Variants in TRAK1 observed in about 807,000 individuals in gnomAD.
TRAK1 encodes the protein trafficking kinesin-binding protein 1.
TRAK1 carries 33 observed loss-of-function variants against 92.1 expected under a neutral mutation model. That is an observed-to-expected ratio of 0.36 (90% confidence interval 0.27 to 0.48). The LOEUF is 0.48. TRAK1 is among the 20% of genes least tolerant of loss of function. TRAK1 has a pLI of 0.99. For synonymous variants in TRAK1, 521 were observed against 517.3 expected (o/e 1.01, Z -0.10); for missense variants, 1,123 against 1,257.9 (o/e 0.89, Z 1.62).
upstream of TRAK1, among the ~76,000 whole-genome samples, chr3:42,086,874 A>G (rs893875756): frequency 6.6e-6 from 1 of 152,188 alleles, no homozygotes; most frequent in Non-Finnish European, 1.5e-5. Context: ...CAGTAAGCAA[A>G]TGAAGCCATG....
chr3:42,152,625 G>A (rs1429858372), intron 2 of TRAK1, among the ~76,000 whole-genome samples: 1 of 152,186 alleles, frequency 6.6e-6, no homozygotes, highest in Non-Finnish European at 1.5e-5. Context: ...GATGTCCATG[G>A]AAAGCAGCCT....
At chr3:42,203,557 A>T (rs1456703563) in intron 13 of TRAK1, 2 of 967,396 alleles carry the variant, frequency 2.1e-6, no homozygotes, top group African/African-American at 4.0e-5. Flanking sequence ...ACCTGCTGCT[A>T]CTCTGCCAAG....
At chr3:42,032,294 G>T (rs966971577) in intron 1 of TRAK1, among the ~76,000 whole-genome samples, 3 of 152,270 alleles carry the variant, frequency 2.0e-5, no homozygotes, top group East Asian at 1.9e-4. Context: ...AGTGAGTGAG[G>T]CATGCCTGGT....
intron 2 of TRAK1, among the ~76,000 whole-genome samples, chr3:42,148,954 G>A (rs1029271761): frequency 1.3e-5 from 2 of 152,042 alleles, no homozygotes; most frequent in African/African-American, 2.4e-5. Flanking sequence ...TTGTCCTTAC[G>A]TTTCTTGAAG....
At chr3:42,086,815 G>C (rs1704700389), upstream of TRAK1, among the ~76,000 whole-genome samples, 1 of 152,140 alleles carries the variant, frequency 6.6e-6, no homozygotes, top group East Asian at 1.9e-4. Flanking sequence ...ACAGGTTTTA[G>C]CTGTGCTCCA....
At position 42,071,936 on chromosome 3, in the gene TRAK1, C is replaced by T. The variant is rs544280873; in HGVS notation, c.-518-15168C>T. Among the ~76,000 whole-genome samples the T allele has an allele frequency of 1.8e-4, 28 of 152,344 alleles. No homozygotes were observed. In the East Asian group the frequency reaches 5.2e-3, roughly 28 times the overall value. On this transcript the variant is annotated intron_variant, in intron 1 of 16. Coordinates refer to the TRAK1 transcript ENST00000487159. The stretch of plus-strand genomic sequence containing the variant: ...GAGATTACCACTCCTACCACCCTTC[C>T]TGGCTTTGGCCAGCCTCCAGAATTC...
At position 42,125,284 on chromosome 3, in the gene TRAK1, T is replaced by A. The variant is rs529527617; in HGVS notation, c.92-136T>A. On this transcript the variant is annotated intron_variant, in intron 1 of 15. Coordinates refer to ENST00000327628, the MANE Select transcript of TRAK1 (RefSeq NM_001042646.3). The stretch of plus-strand genomic sequence containing the variant: ...AGAATTTAAATTGGAAAAAGACTCC[T>A]GATATAGCCTTGTCTAGCTTCTTTG... The A allele has an allele frequency of 1.1e-5, 8 of 729,328 alleles. No homozygotes were observed. The East Asian group carries it at 1.9e-4, about 17-fold the overall frequency. The allele number at this position is 729,328 out of a possible 1,614,324, so 45.2% of individuals were successfully genotyped here. A position where few individuals can be genotyped will look rare whatever the true frequency, so the allele number is the denominator to read the frequency against.
intron 2 of TRAK1, among the ~76,000 whole-genome samples, chr3:42,136,171 T>C (rs1046146653): frequency 6.6e-6 from 1 of 152,172 alleles, no homozygotes; most frequent in East Asian, 1.9e-4. Flanking sequence ...TGTGACTTCA[T>C]TGGTGATGAC....
chr3:42,164,801 C>T (rs912617195), intron 2 of TRAK1, among the ~76,000 whole-genome samples: 3 of 152,138 alleles, frequency 2.0e-5, no homozygotes, highest in Admixed American at 1.3e-4. Flanking sequence ...TTCTGCTTTT[C>T]GCAATCCCTC....
intron 15 of TRAK1, among the ~76,000 whole-genome samples, chr3:42,221,267 T>G (rs1461646461): frequency 1.3e-5 from 2 of 152,096 alleles, no homozygotes; most frequent in Non-Finnish European, 2.9e-5. Flanking sequence ...CACAAATGCC[T>G]TCTGAAAAAA....
Position 42,221,877 on chromosome 3 carries a change from T to G in TRAK1, c.2067-1065T>G, listed in dbSNP as rs534307428. The G allele has an allele frequency of 6.6e-5, 10 of 152,296 alleles. No homozygotes were observed. The South Asian group carries it at 1.5e-3, about 22-fold the overall frequency. 9.4% of individuals were successfully genotyped at this position (152,296 alleles called of 1,614,324 possible). A position where few individuals can be genotyped will look rare whatever the true frequency, so the allele number is the denominator to read the frequency against. ...TGGCAGTATCATAGCCAATGAGGTT[T>G]ATTACTAGTTGAAAATTTTCCCCAA... is the stretch of plus-strand genomic sequence containing the variant. On this transcript the variant is annotated intron_variant, in intron 15 of 15. Coordinates refer to ENST00000327628, the MANE Select transcript of TRAK1 (RefSeq NM_001042646.3).
intron 3 of TRAK1, among the ~76,000 whole-genome samples, chr3:42,179,800 T>C (rs1011179091): frequency 6.6e-6 from 1 of 152,238 alleles, no homozygotes; most frequent in Admixed American, 6.5e-5. Flanking sequence ...ACTAGTTCTT[T>C]TAATACCTTA....
chr3:42,167,195 C>T (rs1701986836), intron 2 of TRAK1, among the ~76,000 whole-genome samples: 4 of 152,220 alleles, frequency 2.6e-5, no homozygotes, highest in Admixed American at 2.6e-4. Flanking sequence ...TGAGGGCATG[C>T]ACTGTGCACC....
intron 1 of TRAK1, among the ~76,000 whole-genome samples, chr3:42,118,876 C>T (rs890402604): frequency 3.3e-5 from 5 of 152,146 alleles, no homozygotes; most frequent in Admixed American, 1.3e-4. Flanking sequence ...ATTTACCATC[C>T]CATGGGACTT....
chr3:42,144,780 T>C (rs926716082), intron 2 of TRAK1, among the ~76,000 whole-genome samples: 1 of 152,112 alleles, frequency 6.6e-6, no homozygotes, highest in South Asian at 2.1e-4. Context: ...TGTTTCTTGT[T>C]TCTGTTACAT....
At chr3:42,014,264 G>C (rs1279584490) in intron 1 of TRAK1, 1 of 152,252 alleles carries the variant, frequency 6.6e-6, no homozygotes, top group Non-Finnish European at 1.5e-5. Context: ...CCCTCCTAAT[G>C]CACCGGCCGC....
intron 1 of TRAK1, among the ~76,000 whole-genome samples, chr3:42,112,534 A>G (rs1708578575): frequency 6.6e-6 from 1 of 151,672 alleles, no homozygotes; most frequent in Non-Finnish European, 1.5e-5. Flanking sequence ...CAGGAGTTCG[A>G]GACCAGCCTG....
intron 1 of TRAK1, among the ~76,000 whole-genome samples, chr3:42,020,322 C>T (rs900629254): frequency 6.6e-6 from 1 of 152,204 alleles, no homozygotes; most frequent in African/African-American, 2.4e-5. Flanking sequence ...CCAGTAACTC[C>T]TTGTAGATAA....
intron 1 of TRAK1, among the ~76,000 whole-genome samples, chr3:42,021,966 A>T (rs1468480798): frequency 6.6e-6 from 1 of 152,162 alleles, no homozygotes; most frequent in African/African-American, 2.4e-5. Flanking sequence ...GTTTTTACTG[A>T]ACTCCTTATG....
Sources: allele counts gnomAD v4.1 joint callset (sites outside exome capture counted in the v4.1 genomes callset), GRCh38; gene constraint gnomAD v4.1.1; transcripts MANE v1.5; gene names NCBI Gene and HGNC (gene_info 2026-07-23, HGNC 2026-07-21).